The following KCND3 variants were observed in gnomAD, a reference collection of about 807,000 sequenced individuals.
KCND3 encodes the protein potassium voltage-gated channel subfamily D member 3.
In KCND3, 9 loss-of-function variants were observed where a neutral mutation model predicts 51.1. The observed-to-expected ratio is 0.18, with a 90% confidence interval of 0.11 to 0.31. The LOEUF (loss-of-function observed/expected upper bound fraction) is 0.31, where lower values mean the gene tolerates loss of function less well. Ranked by LOEUF, KCND3 falls within the 10% of genes least tolerant of loss-of-function variation. The pLI, the probability that KCND3 is intolerant of heterozygous loss-of-function variation, is 1.00. For synonymous variants in KCND3, 349 were observed against 368.0 expected (o/e 0.95, Z 0.59); for missense variants, 526 against 903.8 (o/e 0.58, Z 5.36).
At position 111,908,625 on chromosome 1, in the gene KCND3, C is replaced by A. The variant is rs914380836; in HGVS notation, c.1106+72996G>T. Reference sequence around the variant, plus strand: ...TGCTCTTTCCCACCTCCTGCCCAGACCCCCTCCCTCCACCCAACTTCTCTC... The same window carrying A: ...TGCTCTTTCCCACCTCCTGCCCAGAACCCCTCCCTCCACCCAACTTCTCTC... On this transcript the variant is annotated intron_variant, in intron 2 of 7. Coordinates refer to ENST00000302127, the MANE Select transcript of KCND3 (RefSeq NM_001378969.1). Among the ~76,000 whole-genome samples the A allele has an allele frequency of 4.6e-5, 7 of 152,268 alleles. No individual in the cohort carries two copies. The East Asian group carries it at 9.6e-4, about 21-fold the overall frequency.
At chr1:111,793,176 CTT>C (rs527596358) in intron 2 of KCND3, among the ~76,000 whole-genome samples, 23 of 134,778 alleles carry the variant, frequency 1.7e-4, no homozygotes, top group Admixed American at 2.2e-4. Context: ...GAAGCATATT[CTT>C]TTTTTTTTTT....
chr1:111,792,445 A>G (rs905067140), intron 2 of KCND3, among the ~76,000 whole-genome samples: 2 of 152,086 alleles, frequency 1.3e-5, no homozygotes, highest in Non-Finnish European at 2.9e-5. Flanking sequence ...ACAGAAGGGG[A>G]AGTGAGGGTG....
chr1:111,933,255 C>T (rs1018954841), intron 2 of KCND3, among the ~76,000 whole-genome samples: 1 of 152,162 alleles, frequency 6.6e-6, no homozygotes, highest in African/African-American at 2.4e-5. Flanking sequence ...AGCCTCTTTT[C>T]TTTATAAATT....
chr1:111,975,796 C>T (rs1433962648), intron 2 of KCND3, among the ~76,000 whole-genome samples: 1 of 152,176 alleles, frequency 6.6e-6, no homozygotes, highest in African/African-American at 2.4e-5. Flanking sequence ...CTTACTTTTT[C>T]AAGAACAGCA....
intron 2 of KCND3, among the ~76,000 whole-genome samples, chr1:111,904,635 C>T (rs910031477): frequency 6.6e-6 from 1 of 152,188 alleles, no homozygotes; most frequent in Non-Finnish European, 1.5e-5. Flanking sequence ...CCCTCCTCCC[C>T]CAGCCTCCCT....
chr1:111,791,025 A>G (rs952062483), intron 2 of KCND3, among the ~76,000 whole-genome samples: 1 of 152,238 alleles, frequency 6.6e-6, no homozygotes, highest in African/African-American at 2.4e-5. Flanking sequence ...TAATGCTGCT[A>G]TGAACATTTG....
intron 2 of KCND3, chr1:111,909,207 T>C (rs1670803477): frequency 1.3e-5 from 2 of 152,186 alleles, no homozygotes; most frequent in African/African-American, 2.4e-5. Context: ...TATGTTGTCA[T>C]GGCAATATCC....
intron 2 of KCND3, among the ~76,000 whole-genome samples, chr1:111,977,568 C>T (rs753684586): frequency 1.3e-5 from 2 of 152,184 alleles, no homozygotes; most frequent in Non-Finnish European, 2.9e-5. Flanking sequence ...TAGCAGTGAG[C>T]CATCTCATCG....
chr1:111,937,509 A>C (rs895627166), intron 2 of KCND3, among the ~76,000 whole-genome samples: 1 of 152,172 alleles, frequency 6.6e-6, no homozygotes, highest in Non-Finnish European at 1.5e-5. Flanking sequence ...CTGCTGTAGA[A>C]ATGAGATTCA....
intron 2 of KCND3, among the ~76,000 whole-genome samples, chr1:111,879,055 C>T (rs7415980): frequency 0.41 from 62,649 of 152,066 alleles, 13,197 homozygotes; most frequent in Middle Eastern, 0.5. Flanking sequence ...TTCTTGCCTT[C>T]GGACTCTAAC....
At chr1:111,881,014 C>T (rs957100206) in intron 2 of KCND3, among the ~76,000 whole-genome samples, 4 of 152,190 alleles carry the variant, frequency 2.6e-5, no homozygotes, top group Non-Finnish European at 5.9e-5. Context: ...CCTGCCTTTC[C>T]TCTGAGACGC....
chr1:111,918,439 C>T (rs1485315090), intron 2 of KCND3, among the ~76,000 whole-genome samples: 2 of 152,146 alleles, frequency 1.3e-5, no homozygotes, highest in Non-Finnish European at 2.9e-5. Context: ...AAGGACTTTT[C>T]AGTACCGTGC....
intron 2 of KCND3, among the ~76,000 whole-genome samples, chr1:111,857,765 T>C (rs577549050): frequency 2.6e-5 from 4 of 151,920 alleles, no homozygotes; most frequent in Admixed American, 2.0e-4. Context: ...GATCCCCCTA[T>C]CTAAAGAGCC....
intron 2 of KCND3, among the ~76,000 whole-genome samples, chr1:111,952,420 T>G (rs912400025): frequency 6.6e-6 from 1 of 152,162 alleles, no homozygotes; most frequent in Admixed American, 6.5e-5. Flanking sequence ...CTGAAGCTGG[T>G]GCAGGGGAAT....
intron 2 of KCND3, among the ~76,000 whole-genome samples, chr1:111,962,324 G>A (rs1673704028): frequency 6.6e-6 from 1 of 152,212 alleles, no homozygotes; most frequent in Admixed American, 6.5e-5. Flanking sequence ...TCTTCTTTGA[G>A]AGGGTCTGAC....
chr1:111,842,529 A>G (rs529400805), intron 2 of KCND3, among the ~76,000 whole-genome samples: 75 of 152,324 alleles, frequency 4.9e-4, no homozygotes, highest in African/African-American at 1.7e-3. Context: ...TGGAAAAACC[A>G]TCTCAGCTGA....
chr1:111,899,261 G>A (rs1670269036), intron 2 of KCND3, among the ~76,000 whole-genome samples: 1 of 152,130 alleles, frequency 6.6e-6, no homozygotes. Context: ...ATCCCCCAGG[G>A]GCTTCTCATG....
intron 2 of KCND3, among the ~76,000 whole-genome samples, chr1:111,805,173 T>A (rs1004702657): frequency 2.0e-5 from 3 of 152,048 alleles, no homozygotes; most frequent in African/African-American, 7.3e-5. Flanking sequence ...AGGGCCCCTT[T>A]AAAATGACTC....
At position 111,771,730 on chromosome 1, in the gene KCND3, A is replaced by G. The variant is rs951255075; in HGVS notation, c.*4347T>C. On this transcript the variant is annotated 3_prime_UTR_variant, in exon 8 of 8. Coordinates refer to ENST00000302127, the MANE Select transcript of KCND3 (RefSeq NM_001378969.1). ...CCACAAGTTGACATTTTTGTTAATT[A>G]TAGATCGGCATTAACTGTCAACTTT... The G allele has an allele frequency of 6.6e-6, 1 of 152,230 alleles. No individual in the cohort carries two copies. Among genetic ancestry groups the G allele is most frequent in the African/African-American group, 2.4e-5 (1 of 41,468 alleles). 9.4% of individuals were successfully genotyped at this position (152,230 alleles called of 1,614,324 possible). A position where few individuals can be genotyped will look rare whatever the true frequency, so the allele number is the denominator to read the frequency against.
Sources: allele counts gnomAD v4.1 joint callset (sites outside exome capture counted in the v4.1 genomes callset), GRCh38; gene constraint gnomAD v4.1.1; transcripts MANE v1.5; gene names NCBI Gene and HGNC (gene_info 2026-07-23, HGNC 2026-07-21).